B3GAT2: variants seen among roughly 807,000 people sequenced by gnomAD.
B3GAT2 encodes galactosylgalactosylxylosylprotein 3-beta-glucuronosyltransferase 2.
Under a neutral mutation model 27.8 loss-of-function variants are expected in B3GAT2, and 26 were observed. The ratio of observed to expected loss-of-function variants is 0.93; its 90% CI spans 0.68 to 1.30. B3GAT2 has a LOEUF of 1.30. Among genes scored for constraint, B3GAT2 ranks in the 50% most tolerant of loss-of-function variants. B3GAT2 has a pLI of 0.00. For missense variants in B3GAT2, 458 were observed against 459.0 expected (o/e 1.00, Z 0.02); for synonymous variants, 218 against 195.1 (o/e 1.12, Z -0.98).
intron 1 of B3GAT2, among the ~76,000 whole-genome samples, chr6:70,918,072 G>C (rs1357863569): frequency 1.3e-5 from 2 of 152,144 alleles, no homozygotes; most frequent in Non-Finnish European, 2.9e-5. Flanking sequence ...CTTGCTTTAT[G>C]AATCTGGGTG....
chr6:70,858,257 C>A lies in B3GAT2; in HGVS notation c.*3406G>T. The A allele has an allele frequency of 7.2e-7, 1 of 1,381,752 alleles. No homozygotes were observed. Among genetic ancestry groups the A allele is most frequent in the Admixed American group, 2.2e-5 (1 of 45,862 alleles). The allele number at this position is 1,381,752 out of a possible 1,614,324, so 85.6% of individuals were successfully genotyped here. ...AGGGGTCATTTACTTTCTAGCTTCT[C>A]CCAAATCAAACCAGATTTATTTTCT... is the stretch of plus-strand genomic sequence containing the variant. On this transcript the variant is annotated 3_prime_UTR_variant, in exon 4 of 4. Transcript: ENST00000230053.
At chr6:70,931,916 C>T (rs1773069145) in intron 1 of B3GAT2, among the ~76,000 whole-genome samples, 1 of 151,936 alleles carries the variant, frequency 6.6e-6, no homozygotes, top group South Asian at 2.1e-4. Context: ...TAAAGAATTC[C>T]TAAAAACAAC....
intron 2 of B3GAT2, among the ~76,000 whole-genome samples, chr6:70,889,421 C>T (rs931746935): frequency 5.3e-5 from 8 of 152,140 alleles, no homozygotes; most frequent in African/African-American, 1.2e-4. Flanking sequence ...TGCTCCCCAC[C>T]CCCACTGTCC....
chr6:70,938,399 A>G (rs919006986), intron 1 of B3GAT2, among the ~76,000 whole-genome samples: 35 of 151,526 alleles, frequency 2.3e-4, no homozygotes, highest in Non-Finnish European at 4.7e-4. Context: ...ATTGGAAAAA[A>G]CTACTTTAAA....
chr6:70,912,921 T>G (rs1231758382), intron 1 of B3GAT2, among the ~76,000 whole-genome samples: 1 of 152,126 alleles, frequency 6.6e-6, no homozygotes, highest in Non-Finnish European at 1.5e-5. Flanking sequence ...TTCCAAGAAT[T>G]TATCGTTTCT....
intron 2 of B3GAT2, among the ~76,000 whole-genome samples, chr6:70,889,025 G>A (rs930592494): frequency 6.6e-6 from 1 of 152,160 alleles, no homozygotes; most frequent in African/African-American, 2.4e-5. Flanking sequence ...TCCTTGAGGC[G>A]AGGGGCTGCT....
chr6:70,955,725 A>C, intron 1 of B3GAT2, 114 bp downstream of exon 1: 1 of 1,231,578 alleles, frequency 8.1e-7, no homozygotes, highest in South Asian at 1.7e-5. Context: ...GCGCGCACGG[A>C]GAACTGAGAA....
In B3GAT2 at chr6:70,858,065, G is replaced by A. The variant is rs747295433; in HGVS notation, c.*3598C>T. On this transcript the variant is annotated 3_prime_UTR_variant, in exon 4 of 4. Transcript: ENST00000230053. ...GGGACAGAGTCCAAGCATGATGGTG[G>A]GCATGCCCATGCCCAATGGGTTTAT... 1.9e-6 allele frequency: 3 copies of A among 1,613,918 alleles called. No individual in the cohort carries two copies. The highest frequency in any genetic ancestry group is 1.3e-5 in the African/African-American group (1 of 74,870).
intron 1 of B3GAT2, among the ~76,000 whole-genome samples, chr6:70,927,333 C>T (rs1036638779): frequency 1.3e-5 from 2 of 152,180 alleles, no homozygotes; most frequent in Non-Finnish European, 2.9e-5. Flanking sequence ...ACAATATTAA[C>T]CTTCAATGTA....
intron 1 of B3GAT2, among the ~76,000 whole-genome samples, chr6:70,926,275 G>T (rs113433453): frequency 2.0e-4 from 30 of 152,218 alleles, no homozygotes; most frequent in African/African-American, 7.2e-4. Flanking sequence ...CTTCTCCAAA[G>T]GATCGCAGCT....
chr6:70,931,652 A>G (rs1773065405), intron 1 of B3GAT2, among the ~76,000 whole-genome samples: 1 of 152,172 alleles, frequency 6.6e-6, no homozygotes, highest in Admixed American at 6.6e-5. Context: ...ATGCAAAAGG[A>G]TGAAGTTGAA....
rs538863869 is a variant in B3GAT2 at position 70,870,536 on chromosome 6, TATA to T, written c.737-8561_737-8559del. Among the ~76,000 whole-genome samples the T allele has an allele frequency of 2.7e-3, 409 of 151,258 alleles. 1 individual carries two copies. Among genetic ancestry groups the T allele is most frequent in the Non-Finnish European group, 4.6e-3 (310 of 67,858 alleles). On this transcript the variant is annotated intron_variant, in intron 2 of 3. Transcript: ENST00000230053. ...TGCACATGTACCCTAAAACTTAAAG[TATA>T]ATAATAATAAAAAAAAGAAAAAAAA...
intron 1 of B3GAT2, among the ~76,000 whole-genome samples, chr6:70,909,040 A>G (rs1772644744): frequency 6.6e-6 from 1 of 152,236 alleles, no homozygotes; most frequent in Non-Finnish European, 1.5e-5. Context: ...TATTTTACAC[A>G]GTTAACATGA....
intron 1 of B3GAT2, among the ~76,000 whole-genome samples, chr6:70,920,434 GT>G (rs1772848805): frequency 6.6e-6 from 1 of 152,174 alleles, no homozygotes; most frequent in African/African-American, 2.4e-5. Flanking sequence ...TGCACCCACT[GT>G]CCAACCAATC....
At chr6:70,894,371 T>C in intron 1 of B3GAT2, 99 bp from the exon 2 acceptor site, 1 of 1,312,824 alleles carries the variant, frequency 7.6e-7, no homozygotes, top group East Asian at 2.4e-5. Context: ...GGTAGTGGTG[T>C]AAGATTTCAA....
At chr6:70,886,290 A>G (rs1410682743) in intron 2 of B3GAT2, among the ~76,000 whole-genome samples, 129 of 152,306 alleles carry the variant, frequency 8.5e-4, no homozygotes, top group Non-Finnish European at 8.8e-5. Context: ...GTAAGTGGGG[A>G]TAATAAAACT....
In B3GAT2 at chr6:70,859,965, A is replaced by AT. The variant is rs759772512; in HGVS notation, c.*1697dup. ...ATTAAAATCCCAAGATTGCTTTGGTATTTTTTTTTAAGTAAGTTGTGGTTA... is the reference window on the plus strand; with the variant it reads ...ATTAAAATCCCAAGATTGCTTTGGTATTTTTTTTTTAAGTAAGTTGTGGTTA... On this transcript the variant is annotated 3_prime_UTR_variant, in exon 4 of 4. Transcript: ENST00000230053. The AT allele has an allele frequency of 1.1e-3, 419 of 379,358 alleles. No individual in the cohort carries two copies. The highest frequency in any genetic ancestry group is 1.8e-3 in the East Asian group (39 of 21,610). 23.5% of individuals were successfully genotyped at this position (379,358 alleles called of 1,614,324 possible). A position where few individuals can be genotyped will look rare whatever the true frequency, so the allele number is the denominator to read the frequency against.
At chr6:70,930,088 G>A (rs141847605) in intron 1 of B3GAT2, among the ~76,000 whole-genome samples, 35,354 of 152,028 alleles carry the variant, frequency 0.23, 4,377 homozygotes, top group Non-Finnish European at 0.28. Context: ...ACAAGAAATG[G>A]GGAAAAGATT....
chr6:70,918,892 G>T (rs951850525), intron 1 of B3GAT2, among the ~76,000 whole-genome samples: 2 of 152,224 alleles, frequency 1.3e-5, no homozygotes, highest in Middle Eastern at 6.8e-3. Context: ...CTCTTCTCGA[G>T]GAGTATCTTT....
Sources: gnomAD v4.1 joint callset for allele counts (sites outside exome capture counted in the v4.1 genomes callset) on GRCh38, gnomAD v4.1.1 for gene constraint, MANE v1.5 for transcripts, NCBI Gene and HGNC (gene_info 2026-07-23, HGNC 2026-07-21) for gene names.